SCN9A: variants seen among roughly 807,000 people sequenced by gnomAD.
SCN9A encodes sodium channel protein type 9 subunit alpha.
Under a neutral mutation model 187.0 loss-of-function variants are expected in SCN9A, and 131 were observed. The ratio of observed to expected loss-of-function variants is 0.70; its 90% confidence interval spans 0.61 to 0.81. The LOEUF (loss-of-function observed/expected upper bound fraction) is 0.81. Among genes scored for constraint, SCN9A ranks in the 30% least tolerant of loss-of-function variants. The pLI is 0.00. For missense variants in SCN9A, 2,252 were observed against 2,396.6 expected, an observed-to-expected ratio of 0.94 and a Z score of 1.26; for synonymous variants, 809 against 808.6, an observed-to-expected ratio of 1.00 and a Z score of -0.01.
At chr2:166,252,934 G>A (rs1284477079) in intron 17 of SCN9A, among the ~76,000 whole-genome samples, 2 of 151,882 alleles carry the variant, frequency 1.3e-5, no homozygotes, top group Admixed American at 6.6e-5. Context: ...AATATTGAAA[G>A]CTACTAGTTA....
chr2:166,367,454 T>C (rs1383611412), intron 1 of SCN9A, among the ~76,000 whole-genome samples: 2 of 151,978 alleles, frequency 1.3e-5, no homozygotes, highest in Non-Finnish European at 2.9e-5. Context: ...TTAGTAGAGA[T>C]GGGGTTTCAC....
At chr2:166,355,567 T>A (rs1700133151) in intron 1 of SCN9A, among the ~76,000 whole-genome samples, 1 of 152,002 alleles carries the variant, frequency 6.6e-6, no homozygotes, top group Non-Finnish European at 1.5e-5. Context: ...TTCACAAAAA[T>A]TTCTTTTTTT....
chr2:166,263,035 C>T (rs1423623608), intron 17 of SCN9A, among the ~76,000 whole-genome samples: 3 of 151,920 alleles, frequency 2.0e-5, no homozygotes, highest in Non-Finnish European at 4.4e-5. Flanking sequence ...TGGGCCTTAT[C>T]GTGGCAGAAG....
At chr2:166,248,441 A>G (rs1014258224) in intron 18 of SCN9A, among the ~76,000 whole-genome samples, 4 of 152,026 alleles carry the variant, frequency 2.6e-5, no homozygotes, top group Non-Finnish European at 4.4e-5. Context: ...CCCTCACTAT[A>G]CAAAACTCTA....
intron 1 of SCN9A, among the ~76,000 whole-genome samples, chr2:166,316,997 A>G (rs1016323043): frequency 1.3e-5 from 2 of 152,130 alleles, no homozygotes; most frequent in African/African-American, 4.8e-5. Context: ...TTAATGAATT[A>G]AATGAATTAT....
chr2:166,355,978 G>A (rs113629537), intron 1 of SCN9A, among the ~76,000 whole-genome samples: 1,621 of 152,144 alleles, frequency 0.011, 21 homozygotes, highest in Non-Finnish European at 0.019. Flanking sequence ...TCACCATGTT[G>A]GCCAGGATGG....
At chr2:166,325,730 C>G (rs1448433077) in intron 1 of SCN9A, among the ~76,000 whole-genome samples, 1 of 152,060 alleles carries the variant, frequency 6.6e-6, no homozygotes, top group African/African-American at 2.4e-5. Context: ...ACTTTAGGAA[C>G]TGTGAGGTAA....
chr2:166,288,555 G>A lies in SCN9A; in HGVS notation c.1196C>T (p.Ala399Val). The change falls in exon 10 of 27, where the codon GCT becomes GTT. Residue 399 changes from alanine to valine, a missense_variant. By Grantham distance (64) the Ala-to-Val change is moderately conservative (BLOSUM62 0). Coordinates refer to ENST00000642356, the MANE Select transcript of SCN9A (RefSeq NM_001365536.1). ...TTCTTCATATGCCATGGCAACCACA[G>A]CCAGGATCAAGTTTATTAGATAAAA... ...GSFYLINLIL[A>V]VVAMAYEEQN... 1 of 1,612,810 alleles carries A rather than the reference G, an allele frequency of 6.2e-7. No homozygotes were observed. The highest frequency in any genetic ancestry group is 8.5e-7 in the Non-Finnish European group (1 of 1,179,108).
At chr2:166,367,240 G>A (rs1700438751) in intron 1 of SCN9A, among the ~76,000 whole-genome samples, 1 of 152,062 alleles carries the variant, frequency 6.6e-6, no homozygotes, top group African/African-American at 2.4e-5. Context: ...CTCCATTTCA[G>A]AATAAACTTC....
At chr2:166,265,759 A>T (rs78550355) in intron 17 of SCN9A, among the ~76,000 whole-genome samples, 2,170 of 152,082 alleles carry the variant, frequency 0.014, 32 homozygotes, top group South Asian at 0.022. Context: ...AGCCATTTTA[A>T]CTAGGGTGAG....
rs552799307 is a variant in SCN9A, at chr2:166,372,566, C to T, written c.-51+3131G>A. On this transcript the variant is annotated intron_variant, in intron 1 of 26. Coordinates refer to ENST00000642356, the MANE Select transcript of SCN9A (RefSeq NM_001365536.1). ...AAATATATTTTAATACATTTGTGGTCACTGCCTTTCTAAGAATGCATTACA... is the reference window on the plus strand; with the variant it reads ...AAATATATTTTAATACATTTGTGGTTACTGCCTTTCTAAGAATGCATTACA... Among the ~76,000 whole-genome samples the T allele has an allele frequency of 7.2e-5, 11 of 152,150 alleles. No homozygotes were observed. In the South Asian group the frequency reaches 1.7e-3, roughly 23 times the overall value.
At chr2:166,319,620 GA>G (rs1699189906) in intron 1 of SCN9A, among the ~76,000 whole-genome samples, 1 of 151,930 alleles carries the variant, frequency 6.6e-6, no homozygotes, top group Non-Finnish European at 1.5e-5. Flanking sequence ...GTTTTAAAAT[GA>G]AAAATACATA....
chr2:166,335,671 C>A (rs1395062398), intron 1 of SCN9A, among the ~76,000 whole-genome samples: 3 of 152,064 alleles, frequency 2.0e-5, no homozygotes, highest in Non-Finnish European at 2.9e-5. Flanking sequence ...CACTTGCTAA[C>A]TTTCAGAAGC....
At chr2:166,294,693 A>G (rs1394474959) in intron 7 of SCN9A, 31 bp from the exon 8 acceptor site, 1 of 1,440,978 alleles carries the variant, frequency 6.9e-7, no homozygotes, top group Non-Finnish European at 9.6e-7. Flanking sequence ...CAGTTATAAC[A>G]TCACAGACTT....
At chr2:166,275,847 A>G (rs994537446) in intron 16 of SCN9A, among the ~76,000 whole-genome samples, 1 of 152,168 alleles carries the variant, frequency 6.6e-6, no homozygotes, top group Non-Finnish European at 1.5e-5. Context: ...GCACAGTATC[A>G]TTTAGTGTGT....
At chr2:166,313,017 AAT>A (rs1361339335) in intron 1 of SCN9A, among the ~76,000 whole-genome samples, 2 of 142,756 alleles carry the variant, frequency 1.4e-5, no homozygotes, top group African/African-American at 2.5e-5. Flanking sequence ...ATAATTAAAT[AAT>A]ATAGTTATTA....
chr2:166,243,859 T>C (rs1695672340), intron 18 of SCN9A, among the ~76,000 whole-genome samples: 1 of 151,884 alleles, frequency 6.6e-6, no homozygotes, highest in African/African-American at 2.4e-5. Flanking sequence ...GAAGGGTGAA[T>C]AGAGAGGAGT....
At chr2:166,373,917 CT>C (rs1700624203) in intron 1 of SCN9A, among the ~76,000 whole-genome samples, 1 of 151,972 alleles carries the variant, frequency 6.6e-6, no homozygotes, top group African/African-American at 2.4e-5. Flanking sequence ...AAAAATTCTA[CT>C]TTTTTCCTTG....
chr2:166,298,928 T>G (rs6754031), intron 7 of SCN9A: 57,618 of 151,846 alleles, frequency 0.38, 10,965 homozygotes, highest in Non-Finnish European at 0.4. Context: ...TGCATTCTCA[T>G]CAAATCATCT....
Sources: gnomAD v4.1 joint callset for allele counts (sites outside exome capture counted in the v4.1 genomes callset) on GRCh38, gnomAD v4.1.1 for gene constraint, MANE v1.5 for transcripts, NCBI Gene and HGNC (gene_info 2026-07-23, HGNC 2026-07-21) for gene names.